The following AHI1 variants were observed in gnomAD, a reference collection of about 807,000 sequenced individuals.
The protein encoded by AHI1 is jouberin.
In AHI1, 123 loss-of-function variants were observed where a neutral mutation model predicts 149.3. That is an observed-to-expected ratio of 0.82 (90% CI 0.71 to 0.96). AHI1 has a LOEUF of 0.96. Ranked by LOEUF, AHI1 falls within the 40% of genes least tolerant of loss-of-function variation. AHI1 has a pLI of 0.00. For missense variants in AHI1, 1,439 were observed against 1,422.7 expected, an observed-to-expected ratio of 1.01 and a Z score of -0.18; for synonymous variants, 475 against 459.8, an observed-to-expected ratio of 1.03 and a Z score of -0.42.
chr6:135,496,907 T>A (rs1796039790), intron 2 of AHI1, among the ~76,000 whole-genome samples: 1 of 152,220 alleles, frequency 6.6e-6, no homozygotes, highest in Non-Finnish European at 1.5e-5. Flanking sequence ...AAGCATTCTT[T>A]AAAAAATTTC....
At chr6:135,495,039 A>G (rs1795778188) in intron 3 of AHI1, among the ~76,000 whole-genome samples, 1 of 152,186 alleles carries the variant, frequency 6.6e-6, no homozygotes, top group Non-Finnish European at 1.5e-5. Flanking sequence ...CATGTAGACA[A>G]TTCTTTACAG....
intron 26 of AHI1, among the ~76,000 whole-genome samples, chr6:135,304,628 G>A (rs1465173711): frequency 4.6e-5 from 7 of 152,064 alleles, no homozygotes; most frequent in East Asian, 3.9e-4. Context: ...AAAATTAGCC[G>A]GGTGTGGTGG....
intron 24 of AHI1, among the ~76,000 whole-genome samples, chr6:135,352,210 T>C (rs896365022): frequency 6.6e-6 from 1 of 152,220 alleles, no homozygotes; most frequent in African/African-American, 2.4e-5. Context: ...TTCATCATAT[T>C]ATTCTCATGA....
chr6:135,367,103 G>A (rs1159152244), intron 23 of AHI1, among the ~76,000 whole-genome samples: 1 of 152,112 alleles, frequency 6.6e-6, no homozygotes, highest in Non-Finnish European at 1.5e-5. Context: ...TCCTTTTGGA[G>A]TTCCTTCATT....
In AHI1 at chr6:135,344,902, C is replaced by T. The variant is rs565093191; in HGVS notation, c.3165+13230G>A. 2.7e-5 allele frequency among the ~76,000 whole-genome samples: 4 copies of T among 147,356 alleles called. No individual in the cohort carries two copies. In the East Asian group the frequency reaches 7.9e-4, roughly 29 times the overall value. On this transcript the variant is annotated intron_variant, in intron 24 of 28. Coordinates refer to ENST00000265602, the MANE Select transcript of AHI1 (RefSeq NM_001134831.2). The stretch of plus-strand genomic sequence containing the variant: ...TTTCTGAAAACCAAAAATTATTTCT[C>T]AGTTTATTGAAATAAGCTCTGATTC...
In AHI1 at chr6:135,318,526, G is replaced by A; in HGVS notation, c.3419C>T (p.Pro1140Leu). 1 of 1,583,326 alleles carries A rather than the reference G, an allele frequency of 6.3e-7. No individual in the cohort carries two copies. Among genetic ancestry groups the A allele is most frequent in the Non-Finnish European group, 8.6e-7 (1 of 1,161,950 alleles). ...ATGCTCAAAAACATTTACCTTTTGA[G>A]GAGCTGGAGATTTTTCTATTTTAGT... is the stretch of plus-strand genomic sequence containing the variant. ...EKTKIEKSPA[P>L]QKQSINKNKS... Residue 1140 changes from proline to leucine, a missense_variant, in exon 26 of 29, where the codon CCT becomes CTT. By Grantham distance (98) the Pro-to-Leu change is moderately conservative. Transcript: ENST00000265602.
chr6:135,441,977 G>T (rs1264218619), intron 14 of AHI1, among the ~76,000 whole-genome samples: 1 of 152,152 alleles, frequency 6.6e-6, no homozygotes, highest in Non-Finnish European at 1.5e-5. Context: ...ATGCCCACAA[G>T]GAGCTGGCTA....
rs1337475182 is a variant in AHI1, at chr6:135,427,175, T to A, written c.2756A>T (p.Asp919Val). The A allele has an allele frequency of 6.2e-7, 1 of 1,609,430 alleles. No individual in the cohort carries two copies. ...QNEPILLYIY[D>V]FHVAQQEAEM... The stretch of plus-strand genomic sequence containing the variant: ...TCAAGTGGTAGACTTACCATGGAAA[T>A]CGTAAATATACAGAAGAATTGGCTC... Residue 919 changes from aspartate to valine, a missense_variant, in exon 20 of 29, where the codon GAT (aspartate) becomes GTT (valine). By Grantham distance (152) the Asp-to-Val change is radical. Transcript: ENST00000265602.
chr6:135,304,934 G>GA (rs771672964), intron 26 of AHI1: 4 of 152,172 alleles, frequency 2.6e-5, no homozygotes, highest in Admixed American at 1.3e-4. Context: ...TGAGGGGTAA[G>GA]ACCTAGATAA....
At chr6:135,376,571 T>C (rs1775944028) in intron 23 of AHI1, among the ~76,000 whole-genome samples, 2 of 151,982 alleles carry the variant, frequency 1.3e-5, no homozygotes, top group African/African-American at 2.4e-5. Context: ...ACATTCAAAA[T>C]GTTGGACATT....
chr6:135,331,142 G>A (rs1417259472), intron 24 of AHI1, among the ~76,000 whole-genome samples: 2 of 152,114 alleles, frequency 1.3e-5, no homozygotes, highest in Non-Finnish European at 2.9e-5. Context: ...TGGCATGTAG[G>A]AGAATATCTT....
At chr6:135,341,696 G>A (rs557769262) in intron 24 of AHI1, among the ~76,000 whole-genome samples, 1 of 151,878 alleles carries the variant, frequency 6.6e-6, no homozygotes, top group South Asian at 2.1e-4. Flanking sequence ...TGTATGGAAC[G>A]TAAACAACAT....
intron 5 of AHI1, among the ~76,000 whole-genome samples, chr6:135,476,467 T>C (rs1298822919): frequency 6.6e-5 from 10 of 152,170 alleles, no homozygotes; most frequent in Non-Finnish European, 1.3e-4. Flanking sequence ...TCTGTGTTTG[T>C]TGGGTACAAT....
At position 135,323,325 on chromosome 6, in the gene AHI1, C is replaced by A; in HGVS notation, c.3166-1G>T. 5 of 1,612,862 alleles carry A rather than the reference C, an allele frequency of 3.1e-6. No individual in the cohort carries two copies. Among genetic ancestry groups the A allele is most frequent in the Non-Finnish European group, 4.2e-6 (5 of 1,179,384 alleles). On this transcript the variant is annotated splice_acceptor_variant, in intron 24 of 28. Transcript: ENST00000265602. LOFTEE classifies it high-confidence loss of function. Reference sequence around the variant, plus strand: ...CTGTGTAGTCATAAAGAGCCACTACCTAAGAGAGAGATAAGACCACCACAG... The same window carrying A: ...CTGTGTAGTCATAAAGAGCCACTACATAAGAGAGAGATAAGACCACCACAG...
chr6:135,340,033 A>T (rs937673378), intron 24 of AHI1, among the ~76,000 whole-genome samples: 1 of 152,198 alleles, frequency 6.6e-6, no homozygotes, highest in Admixed American at 6.5e-5. Flanking sequence ...AAGCAGACTC[A>T]ACCAAGAGTT....
At chr6:135,364,495 C>G (rs1461274596) in intron 23 of AHI1, among the ~76,000 whole-genome samples, 5 of 150,122 alleles carry the variant, frequency 3.3e-5, no homozygotes, top group Non-Finnish European at 7.4e-5. Context: ...GGGGTGGCGG[C>G]CGGGCAGAGG....
chr6:135,294,309 G>C (rs1305895736), intron 27 of AHI1, among the ~76,000 whole-genome samples: 1 of 150,274 alleles, frequency 6.7e-6, no homozygotes, highest in African/African-American at 2.5e-5. Flanking sequence ...CCGGGTGACA[G>C]TGCAAGACTC....
At chr6:135,438,775 A>C in intron 14 of AHI1, among the ~76,000 whole-genome samples, 1 of 152,280 alleles carries the variant, frequency 6.6e-6, no homozygotes, top group East Asian at 1.9e-4. Context: ...CTTTAATAAT[A>C]AATTTATATC....
chr6:135,429,911 G>T lies in AHI1; in HGVS notation c.2463C>A (p.Asp821Glu). 1 of 1,582,902 alleles carries T rather than the reference G, an allele frequency of 6.3e-7. No individual in the cohort carries two copies. Among genetic ancestry groups the T allele is most frequent in the Non-Finnish European group, 8.6e-7 (1 of 1,159,942 alleles). The stretch of plus-strand genomic sequence containing the variant: ...GGAGATCCATAATTCTCAAAGTACT[G>T]TCTTTGGTATGGATTAACAAACGTT... ...NGKRLLIHTK[D>E]STLRIMDLRI... Residue 821 changes from aspartate (D) to glutamate (E), a missense_variant, in exon 18 of 29, where the codon GAC becomes GAA. By Grantham distance (45) the Asp-to-Glu change is conservative (BLOSUM62 2). Transcript: ENST00000265602.
Sources: gnomAD v4.1 joint callset for allele counts (sites outside exome capture counted in the v4.1 genomes callset) on GRCh38, gnomAD v4.1.1 for gene constraint, MANE v1.5 for transcripts, NCBI Gene and HGNC (gene_info 2026-07-23, HGNC 2026-07-21) for gene names.